P3H2: variants seen among roughly 807,000 people sequenced by gnomAD.
The protein encoded by P3H2 is leprecan-like 1.
A neutral mutation model predicts 87.0 loss-of-function variants in P3H2; 80 were observed. That is an observed-to-expected ratio of 0.92 (90% CI 0.77 to 1.11). The LOEUF (loss-of-function observed/expected upper bound fraction) is 1.11, where lower values mean the gene tolerates loss of function less well. Among genes scored for constraint, P3H2 ranks in the 50% least tolerant of loss-of-function variants. The pLI, the probability that P3H2 is intolerant of heterozygous loss-of-function variation, is 0.00. For missense variants in P3H2, 1,001 were observed against 923.9 expected (o/e 1.08, Z -1.08); for synonymous variants, 367 against 359.3 (o/e 1.02, Z -0.24).
intron 1 of P3H2, among the ~76,000 whole-genome samples, chr3:190,078,812 T>C (rs910155477): frequency 1.3e-5 from 2 of 152,202 alleles, no homozygotes; most frequent in African/African-American, 4.8e-5. Flanking sequence ...CATGAAGACT[T>C]TGTTCTTCCA....
At chr3:189,973,625 G>A (rs1300768415) in intron 10 of P3H2, among the ~76,000 whole-genome samples, 2 of 144,380 alleles carry the variant, frequency 1.4e-5, no homozygotes, top group African/African-American at 2.6e-5. Context: ...CCAGGTTCAC[G>A]CCATTCTCCT....
chr3:190,060,983 T>C (rs1400580698), intron 1 of P3H2, among the ~76,000 whole-genome samples: 3 of 151,368 alleles, frequency 2.0e-5, no homozygotes, highest in Non-Finnish European at 4.4e-5. Flanking sequence ...GATTGCTTAG[T>C]GGTGAAGTCA....
intron 1 of P3H2, among the ~76,000 whole-genome samples, chr3:190,099,263 T>C (rs925594052): frequency 6.6e-6 from 1 of 152,170 alleles, no homozygotes; most frequent in African/African-American, 2.4e-5. Context: ...CTGGCAAAAC[T>C]TCATTTTCAA....
chr3:190,033,096 A>T (rs1719622), intron 1 of P3H2, among the ~76,000 whole-genome samples: 122,442 of 152,114 alleles, frequency 0.8, 49,332 homozygotes, highest in East Asian at 0.86. Flanking sequence ...CCACATGCAA[A>T]GTTCACAATA....
At chr3:190,031,375 T>C (rs533164760) in intron 1 of P3H2, among the ~76,000 whole-genome samples, 3 of 55,690 alleles carry the variant, frequency 5.4e-5, no homozygotes, top group Non-Finnish European at 1.1e-4. Context: ...TGAGGTCTCA[T>C]GCCTGTAATC....
At chr3:189,983,395 T>C in intron 7 of P3H2, 1 of 467,656 alleles carries the variant, frequency 2.1e-6, no homozygotes. Context: ...ATAACATAAC[T>C]CTCTTCAGAT....
rs1724940130 is a variant in P3H2 at position 190,022,054 on chromosome 3, T to A, written c.481-26612A>T. Among the ~76,000 whole-genome samples, 3 of 135,286 alleles carry A rather than the reference T, an allele frequency of 2.2e-5. 1 individual carries two copies. The highest frequency in any genetic ancestry group is 5.0e-5 in the Non-Finnish European group (3 of 60,516). 88.8% of individuals were successfully genotyped at this position (135,286 alleles called of 152,430 possible). A position where few individuals can be genotyped will look rare whatever the true frequency, so the allele number is the denominator to read the frequency against. ...GATAAAAATAATGTTCTTCTAGGAA[T>A]GTACAATGACATTAGCCTCTAAAGA... On this transcript the variant is annotated intron_variant, in intron 1 of 14. Coordinates refer to ENST00000319332, the MANE Select transcript of P3H2 (RefSeq NM_018192.4).
chr3:189,993,859 T>C (rs1577260049), intron 3 of P3H2, among the ~76,000 whole-genome samples: 1 of 151,960 alleles, frequency 6.6e-6, no homozygotes, highest in East Asian at 1.9e-4. Context: ...AAAAATGAAA[T>C]AATAACTATA....
At chr3:190,047,275 G>A (rs1002874342) in intron 1 of P3H2, among the ~76,000 whole-genome samples, 2 of 152,156 alleles carry the variant, frequency 1.3e-5, no homozygotes, top group African/African-American at 2.4e-5. Context: ...TGTTGGTAGA[G>A]ATACAAATCA....
At chr3:190,119,159 G>A (rs1315795865) in intron 1 of P3H2, among the ~76,000 whole-genome samples, 2 of 59,338 alleles carry the variant, frequency 3.4e-5, no homozygotes, top group African/African-American at 1.5e-4. Flanking sequence ...GGGGAGGGGA[G>A]GGGAGGGGAG....
chr3:190,093,907 C>A (rs1327775674), intron 1 of P3H2, among the ~76,000 whole-genome samples: 1 of 152,140 alleles, frequency 6.6e-6, no homozygotes, highest in African/African-American at 2.4e-5. Context: ...CTGAAAAATT[C>A]TCATGAAGTC....
chr3:189,972,987 C>T lies in P3H2; in HGVS notation c.1586G>A (p.Arg529His), dbSNP rs141691712. The T allele has an allele frequency of 1.7e-5, 28 of 1,612,878 alleles. No homozygotes were observed. Among genetic ancestry groups the T allele is most frequent in the Non-Finnish European group, 2.3e-5 (27 of 1,179,776 alleles). ...CTTTTCGCTGATGTCATAAAACAGA[C>T]GAGCGCTCTTCAGTGGGACTCGACC... ...YEGRVPLKSA[R>H]LFYDISEKAR... The change falls in exon 11 of 15, where the codon CGT (arginine) becomes CAT (histidine). Residue 529 changes from arginine to histidine, a missense_variant. Coordinates refer to ENST00000319332, the MANE Select transcript of P3H2 (RefSeq NM_018192.4).
chr3:190,050,142 C>T (rs1014274825), intron 1 of P3H2, among the ~76,000 whole-genome samples: 3 of 152,166 alleles, frequency 2.0e-5, no homozygotes, highest in African/African-American at 7.2e-5. Context: ...AACAAAATTG[C>T]TACTTTCCAA....
intron 1 of P3H2, chr3:190,116,706 T>C (rs1160300895): frequency 6.6e-6 from 1 of 152,242 alleles, no homozygotes; most frequent in Non-Finnish European, 1.5e-5. Flanking sequence ...ACTGAAGGTT[T>C]CTGAGCAGAG....
intron 8 of P3H2, among the ~76,000 whole-genome samples, chr3:189,979,704 G>C (rs903514376): frequency 6.6e-6 from 1 of 152,106 alleles, no homozygotes; most frequent in Non-Finnish European, 1.5e-5. Flanking sequence ...GCTCAGGCCT[G>C]TAATCCCAGC....
intron 1 of P3H2, among the ~76,000 whole-genome samples, chr3:190,036,833 T>C (rs979067955): frequency 2.6e-5 from 4 of 152,104 alleles, no homozygotes; most frequent in African/African-American, 9.7e-5. Context: ...GCAGCAGCCA[T>C]GGTACATGAG....
chr3:190,078,271 C>T (rs1163355436), intron 1 of P3H2, among the ~76,000 whole-genome samples: 1 of 152,110 alleles, frequency 6.6e-6, no homozygotes, highest in Non-Finnish European at 1.5e-5. Flanking sequence ...AGGACAGTGC[C>T]TAGCATTTGA....
chr3:190,099,154 T>C (rs1284890753), intron 1 of P3H2, among the ~76,000 whole-genome samples: 1 of 152,216 alleles, frequency 6.6e-6, no homozygotes, highest in Non-Finnish European at 1.5e-5. Context: ...GTTTCACTTC[T>C]TGCAGCAAAA....
intron 1 of P3H2, among the ~76,000 whole-genome samples, chr3:190,115,730 C>T (rs986864574): frequency 6.6e-6 from 1 of 152,150 alleles, no homozygotes; most frequent in Non-Finnish European, 1.5e-5. Context: ...AGCCAAACAA[C>T]TAAAGTGAGA....
Sources: allele counts gnomAD v4.1 joint callset (sites outside exome capture counted in the v4.1 genomes callset), GRCh38; gene constraint gnomAD v4.1.1; transcripts MANE v1.5; gene names NCBI Gene and HGNC (gene_info 2026-07-23, HGNC 2026-07-21).